The following ASTN1 variants were observed in gnomAD, a reference collection of about 807,000 sequenced individuals.
The protein encoded by ASTN1 is astrotactin-1.
Under a neutral mutation model 140.7 loss-of-function variants are expected in ASTN1, and 41 were observed. That is an observed-to-expected ratio of 0.29 (90% CI 0.23 to 0.38). ASTN1 has a LOEUF of 0.38. ASTN1 is among the 10% of genes least tolerant of loss of function. The probability of loss-of-function intolerance (pLI) is 1.00; values close to 1 mark genes in which losing one functional copy is unlikely to be tolerated. For missense variants in ASTN1, 1,479 were observed against 1,678.8 expected, an observed-to-expected ratio of 0.88 and a Z score of 2.08; for synonymous variants, 640 against 652.2, an observed-to-expected ratio of 0.98 and a Z score of 0.29.
chr1:177,041,726 G>A lies in ASTN1; in HGVS notation c.472-8877C>T, dbSNP rs532765357. On this transcript the variant is annotated intron_variant, in intron 2 of 22. Coordinates refer to ENST00000361833, the MANE Select transcript of ASTN1 (RefSeq NM_004319.3). ...TTGAACAAGTAACGGAAGAGGCAGC[G>A]GGTGCAGTATATGCTAATGACCATT... Among the ~76,000 whole-genome samples the A allele has an allele frequency of 1.6e-4, 24 of 152,332 alleles. No individual in the cohort carries two copies. The South Asian group carries it at 2.5e-3, about 16-fold the overall frequency.
intron 16 of ASTN1, among the ~76,000 whole-genome samples, chr1:176,918,179 C>T (rs910319908): frequency 6.6e-6 from 1 of 152,102 alleles, no homozygotes; most frequent in African/African-American, 2.4e-5. Flanking sequence ...CCTACCCCAA[C>T]CTTTCCTCTG....
chr1:176,885,596 C>A (rs978896418), intron 18 of ASTN1, among the ~76,000 whole-genome samples: 1 of 152,106 alleles, frequency 6.6e-6, no homozygotes, highest in Non-Finnish European at 1.5e-5. Flanking sequence ...CCTGGCCCTC[C>A]TTTTCTCTGC....
chr1:177,129,868 G>A lies in ASTN1; in HGVS notation c.283+34526C>T, dbSNP rs1382425207. ...TGTAGTCCCAGCTACTCAGAAGGCTGAGGCAGGAGAATCACTTGAACCCAG... is the reference window on the plus strand; with the variant it reads ...TGTAGTCCCAGCTACTCAGAAGGCTAAGGCAGGAGAATCACTTGAACCCAG... On this transcript the variant is annotated intron_variant, in intron 1 of 22. Coordinates refer to ENST00000361833, the MANE Select transcript of ASTN1 (RefSeq NM_004319.3). Among the ~76,000 whole-genome samples, 5 of 152,314 alleles carry A rather than the reference G, an allele frequency of 3.3e-5. No homozygotes were observed. The East Asian group carries it at 9.7e-4, about 29-fold the overall frequency.
intron 8 of ASTN1, among the ~76,000 whole-genome samples, chr1:177,011,232 C>T (rs1257805060): frequency 1.3e-5 from 2 of 152,194 alleles, no homozygotes; most frequent in Non-Finnish European, 2.9e-5. Context: ...GAACAGTTCA[C>T]AATCCAAATT....
At chr1:177,135,604 G>C (rs984480373) in intron 1 of ASTN1, among the ~76,000 whole-genome samples, 4 of 152,252 alleles carry the variant, frequency 2.6e-5, no homozygotes, top group African/African-American at 9.6e-5. Flanking sequence ...GTGAAAAGCT[G>C]GGGGGTACGG....
intron 1 of ASTN1, among the ~76,000 whole-genome samples, chr1:177,107,941 G>A (rs1680629424): frequency 6.6e-6 from 1 of 152,054 alleles, no homozygotes; most frequent in South Asian, 2.1e-4. Flanking sequence ...TTTAAGGGAT[G>A]TTACAAAAGG....
chr1:176,946,684 ACTC>A (rs746845701), intron 12 of ASTN1, among the ~76,000 whole-genome samples: 18 of 151,858 alleles, frequency 1.2e-4, no homozygotes, highest in Non-Finnish European at 2.2e-4. Flanking sequence ...ACCCATAAAA[ACTC>A]CTCCTCCATT....
At chr1:176,985,703 T>C (rs1673858676) in intron 8 of ASTN1, among the ~76,000 whole-genome samples, 1 of 152,124 alleles carries the variant, frequency 6.6e-6, no homozygotes, top group Non-Finnish European at 1.5e-5. Flanking sequence ...CCCCTCTACC[T>C]GGACAGGCAT....
In ASTN1 at chr1:177,107,673, G is replaced by A. The variant is rs143477996; in HGVS notation, c.284-46408C>T. Among the ~76,000 whole-genome samples, 55 of 152,262 alleles carry A rather than the reference G, an allele frequency of 3.6e-4. No homozygotes were observed. In the East Asian group the frequency reaches 8.1e-3, roughly 22 times the overall value. ...CCCCCAGACAGCCCTCACCAGCTCC[G>A]GGTTCTAGTAACTGCCTCCTTCTTC... On this transcript the variant is annotated intron_variant, in intron 1 of 22. Transcript: ENST00000361833.
intron 8 of ASTN1, among the ~76,000 whole-genome samples, chr1:177,012,590 T>G (rs1176299073): frequency 1.3e-5 from 2 of 152,364 alleles, no homozygotes; most frequent in South Asian, 2.1e-4. Flanking sequence ...ACTCACTGCT[T>G]TAGCCTGTCT....
intron 20 of ASTN1, among the ~76,000 whole-genome samples, chr1:176,881,912 G>A (rs1393899001): frequency 6.6e-6 from 1 of 152,082 alleles, no homozygotes. Flanking sequence ...TGGAAACCTT[G>A]ACTCTATTCT....
chr1:176,990,469 TG>T (rs749583311), intron 8 of ASTN1, among the ~76,000 whole-genome samples: 11 of 148,852 alleles, frequency 7.4e-5, no homozygotes, highest in Admixed American at 6.7e-4. Flanking sequence ...AAGATGAGAA[TG>T]GGGGAGAATA....
At chr1:177,105,739 T>C (rs1680520771) in intron 1 of ASTN1, among the ~76,000 whole-genome samples, 1 of 152,230 alleles carries the variant, frequency 6.6e-6, no homozygotes, top group Admixed American at 6.5e-5. Context: ...ATATTCTCGC[T>C]TTGTTCTCAG....
intron 8 of ASTN1, among the ~76,000 whole-genome samples, chr1:176,988,035 G>C (rs1673987120): frequency 6.6e-6 from 1 of 152,180 alleles, no homozygotes; most frequent in Non-Finnish European, 1.5e-5. Context: ...ATGGGAGTTA[G>C]AGCAGGCATC....
intron 2 of ASTN1, among the ~76,000 whole-genome samples, chr1:177,045,912 C>T (rs374055590): frequency 0.57 from 85,722 of 151,572 alleles, 24,616 homozygotes; most frequent in Non-Finnish European, 0.61. Context: ...CTGCTACAGA[C>T]ACATGCTTTA....
intron 1 of ASTN1, among the ~76,000 whole-genome samples, chr1:177,085,018 G>C (rs1447022275): frequency 6.6e-6 from 1 of 152,140 alleles, no homozygotes; most frequent in African/African-American, 2.4e-5. Flanking sequence ...AGCACAACAA[G>C]TGAATGTTAA....
intron 11 of ASTN1, among the ~76,000 whole-genome samples, chr1:176,956,079 C>G (rs1672387410): frequency 6.6e-6 from 1 of 152,012 alleles, no homozygotes; most frequent in Non-Finnish European, 1.5e-5. Context: ...GAGAATGGAC[C>G]AGCCAAAGGG....
chr1:177,035,515 T>A (rs1262785639), intron 2 of ASTN1, among the ~76,000 whole-genome samples: 1 of 152,232 alleles, frequency 6.6e-6, no homozygotes, highest in Non-Finnish European at 1.5e-5. Flanking sequence ...CTACTAAGCA[T>A]CCAAATCCAA....
chr1:177,085,372 G>C (rs1679413385), intron 1 of ASTN1, among the ~76,000 whole-genome samples: 1 of 152,132 alleles, frequency 6.6e-6, no homozygotes, highest in Non-Finnish European at 1.5e-5. Context: ...GGTTTCTAGA[G>C]CATTTTTATT....
Sources: gnomAD v4.1 joint callset for allele counts (sites outside exome capture counted in the v4.1 genomes callset) on GRCh38, gnomAD v4.1.1 for gene constraint, MANE v1.5 for transcripts, NCBI Gene and HGNC (gene_info 2026-07-23, HGNC 2026-07-21) for gene names.